WDR72: variants seen among roughly 807,000 people sequenced by gnomAD.
WDR72 encodes WD repeat-containing protein 72.
In WDR72, 120 loss-of-function variants were observed where a neutral mutation model predicts 124.2. That is an observed-to-expected ratio of 0.97 (90% CI 0.83 to 1.12). WDR72 has a LOEUF of 1.12. Among genes scored for constraint, WDR72 ranks in the 50% most tolerant of loss-of-function variants. The pLI is 0.00. For missense variants in WDR72, 1,387 were observed against 1,278.8 expected (o/e 1.08, Z -1.29); for synonymous variants, 452 against 441.7 (o/e 1.02, Z -0.29).
chr15:53,522,422 G>C (rs1458354668), intron 19 of WDR72, among the ~76,000 whole-genome samples: 1 of 151,922 alleles, frequency 6.6e-6, no homozygotes, highest in Non-Finnish European at 1.5e-5. Context: ...TTAAGTGGAG[G>C]AGATATTTAA....
chr15:53,726,285 T>TACAC (rs143084949), intron 2 of WDR72, among the ~76,000 whole-genome samples: 5 of 115,444 alleles, frequency 4.3e-5, no homozygotes, highest in Non-Finnish European at 6.6e-5. Context: ...TATATATATA[T>TACAC]ACACACACAC....
chr15:53,711,949 T>C (rs1318828055), intron 7 of WDR72, among the ~76,000 whole-genome samples: 1 of 152,172 alleles, frequency 6.6e-6, no homozygotes, highest in South Asian at 2.1e-4. Flanking sequence ...GAAAAATAAA[T>C]GTTATGAAAT....
intron 18 of WDR72, among the ~76,000 whole-genome samples, chr15:53,570,135 A>AT (rs1038220486): frequency 1.4e-4 from 22 of 152,174 alleles, no homozygotes; most frequent in African/African-American, 5.1e-4. Context: ...TAAAAGCTAA[A>AT]TTTTTTATTT....
chr15:53,679,944 C>CAAAAAA (rs3081356), intron 13 of WDR72, among the ~76,000 whole-genome samples: 2 of 143,234 alleles, frequency 1.4e-5, no homozygotes, highest in African/African-American at 5.4e-5. Context: ...ATATCTGCAG[C>CAAAAAA]AAAAAAAAAA....
At chr15:53,734,534 C>T (rs1405635385) in intron 1 of WDR72, among the ~76,000 whole-genome samples, 1 of 152,030 alleles carries the variant, frequency 6.6e-6, no homozygotes, top group Non-Finnish European at 1.5e-5. Flanking sequence ...TGCTTCCTGA[C>T]CAAGCTTATC....
At chr15:53,681,720 T>C (rs1034231265) in intron 13 of WDR72, among the ~76,000 whole-genome samples, 6 of 152,200 alleles carry the variant, frequency 3.9e-5, no homozygotes, top group Admixed American at 3.9e-4. Context: ...TATTTGTTTC[T>C]GAGCATACAA....
At chr15:53,746,322 G>A (rs1408588943) in intron 1 of WDR72, among the ~76,000 whole-genome samples, 1 of 152,104 alleles carries the variant, frequency 6.6e-6, no homozygotes, top group East Asian at 1.9e-4. Context: ...GTCATAAATA[G>A]CTGTCTTCAG....
chr15:53,532,882 AT>A (rs1322864496), intron 18 of WDR72, among the ~76,000 whole-genome samples: 3 of 152,128 alleles, frequency 2.0e-5, no homozygotes, highest in Non-Finnish European at 2.9e-5. Context: ...AAAATATCAC[AT>A]GTAACCCAAA....
chr15:53,566,888 C>T (rs1243785149), intron 18 of WDR72, among the ~76,000 whole-genome samples: 2 of 152,084 alleles, frequency 1.3e-5, no homozygotes, highest in African/African-American at 4.8e-5. Flanking sequence ...AACATACCCA[C>T]CAACACTGTC....
At chr15:53,522,484 T>G (rs1035321947) in intron 19 of WDR72, among the ~76,000 whole-genome samples, 3 of 152,084 alleles carry the variant, frequency 2.0e-5, no homozygotes, top group African/African-American at 7.2e-5. Flanking sequence ...AACTTTGTAT[T>G]TATCCAGGAA....
intron 2 of WDR72, among the ~76,000 whole-genome samples, chr15:53,724,172 T>C (rs888007421): frequency 3.3e-5 from 5 of 152,178 alleles, no homozygotes; most frequent in South Asian, 2.1e-4. Flanking sequence ...AATGAAGTAA[T>C]GTTGCTCAAA....
intron 18 of WDR72, among the ~76,000 whole-genome samples, chr15:53,529,336 G>C (rs555569442): frequency 6.6e-6 from 1 of 151,692 alleles, no homozygotes; most frequent in African/African-American, 2.4e-5. Flanking sequence ...TGGGCATGCC[G>C]TTTCACTTCC....
intron 1 of WDR72, among the ~76,000 whole-genome samples, chr15:53,739,108 TAAGTA>T (rs1272314021): frequency 6.6e-6 from 1 of 152,154 alleles, no homozygotes; most frequent in African/African-American, 2.4e-5. Flanking sequence ...TAAATTCTCC[TAAGTA>T]AAGCAAAATG....
intron 1 of WDR72, 119 bp from the exon 2 acceptor site, chr15:53,733,280 A>AC: frequency 8.9e-7 from 1 of 1,118,810 alleles, no homozygotes; most frequent in Admixed American, 2.0e-5. Flanking sequence ...TCCCAGTGCT[A>AC]TGGAAAAGGG....
chr15:53,715,477 T>C, intron 4 of WDR72, 110 bp from the exon 5 acceptor site: 1 of 1,313,100 alleles, frequency 7.6e-7, no homozygotes, highest in Non-Finnish European at 1.1e-6. Flanking sequence ...TCAATTAAGG[T>C]ATTGAACTGA....
At position 53,733,169 on chromosome 15, in the gene WDR72, A is replaced by G; in HGVS notation, c.-12-8T>C. ...CCTCATTTTGGGCGAATCCTGACAT[A>G]CAAAGAAGGGAAGAAGCATACATGG... On this transcript the variant is annotated splice_region_variant and splice_polypyrimidine_tract_variant and intron_variant, in intron 1 of 19. Transcript: ENST00000360509. 3 of 1,613,652 alleles carry G rather than the reference A, an allele frequency of 1.9e-6. No individual in the cohort carries two copies. The highest frequency in any genetic ancestry group is 2.5e-6 in the Non-Finnish European group (3 of 1,179,914).
At chr15:53,567,724 C>A (rs948135056) in intron 18 of WDR72, among the ~76,000 whole-genome samples, 9 of 151,674 alleles carry the variant, frequency 5.9e-5, no homozygotes, top group African/African-American at 2.2e-4. Context: ...TTTATAGGAA[C>A]AAAAGCCTTG....
At chr15:53,550,203 A>T (rs1893672044) in intron 18 of WDR72, among the ~76,000 whole-genome samples, 1 of 152,182 alleles carries the variant, frequency 6.6e-6, no homozygotes, top group Non-Finnish European at 1.5e-5. Flanking sequence ...GTTTTCTTAA[A>T]GGTTCAGATA....
intron 18 of WDR72, among the ~76,000 whole-genome samples, chr15:53,593,874 A>T (rs1306209225): frequency 1.3e-5 from 2 of 152,072 alleles, no homozygotes; most frequent in African/African-American, 4.8e-5. Context: ...ATGTAAAATA[A>T]AAAAATAACT....
Sources: allele counts gnomAD v4.1 joint callset (sites outside exome capture counted in the v4.1 genomes callset), GRCh38; gene constraint gnomAD v4.1.1; transcripts MANE v1.5; gene names NCBI Gene and HGNC (gene_info 2026-07-23, HGNC 2026-07-21).